GOLGA1: variants seen among roughly 807,000 people sequenced by gnomAD.
GOLGA1 encodes golgin subfamily A member 1.
In GOLGA1, 63 loss-of-function variants were observed where a neutral mutation model predicts 119.7. That is an observed-to-expected ratio of 0.53 (90% CI 0.43 to 0.65). The LOEUF is 0.65. Among genes scored for constraint, GOLGA1 ranks in the 30% least tolerant of loss-of-function variants. The probability of loss-of-function intolerance (pLI) is 0.00; values close to 1 mark genes in which losing one functional copy is unlikely to be tolerated. For synonymous variants in GOLGA1, 318 were observed against 333.4 expected (o/e 0.95, Z 0.50); for missense variants, 798 against 912.8 (o/e 0.87, Z 1.62).
At chr9:124,947,864 G>A (rs1486415618) in intron 1 of GOLGA1, 2 of 152,156 alleles carry the variant, frequency 1.3e-5, no homozygotes, top group Non-Finnish European at 2.9e-5. Flanking sequence ...TTTACTCAGG[G>A]TGGGGAGGTG....
chr9:124,935,751 A>T (rs1350913454), intron 3 of GOLGA1, among the ~76,000 whole-genome samples: 6 of 144,018 alleles, frequency 4.2e-5, no homozygotes, highest in African/African-American at 1.6e-4. Flanking sequence ...CGACACAGCA[A>T]GACTCTGTCT....
At chr9:124,931,759 C>T (rs980269927) in intron 3 of GOLGA1, among the ~76,000 whole-genome samples, 5 of 152,066 alleles carry the variant, frequency 3.3e-5, no homozygotes, top group Admixed American at 6.6e-5. Flanking sequence ...ATAAAGAAGG[C>T]GGGGGTTCTT....
chr9:124,890,519 C>T (rs1274245140), intron 15 of GOLGA1, 41 bp from the exon 16 acceptor site: 1 of 1,477,300 alleles, frequency 6.8e-7, no homozygotes, highest in African/African-American at 1.4e-5. Flanking sequence ...ACTTAGTTCA[C>T]AGTTTTTTAG....
At chr9:124,932,145 T>A (rs1337479915) in intron 3 of GOLGA1, among the ~76,000 whole-genome samples, 2 of 152,218 alleles carry the variant, frequency 1.3e-5, no homozygotes, top group Non-Finnish European at 2.9e-5. Context: ...ATTTGCTTCA[T>A]CAATTTTTAT....
Position 124,880,507 on chromosome 9 carries a change from G to A in GOLGA1, c.*23C>T. 7.4e-7 allele frequency: 1 copy of A among 1,357,400 alleles called. No individual in the cohort carries two copies. The highest frequency in any genetic ancestry group is 1.1e-6 in the Non-Finnish European group (1 of 945,852). The allele number at this position is 1,357,400 out of a possible 1,614,324, so 84.1% of individuals were successfully genotyped here. A position where few individuals can be genotyped will look rare whatever the true frequency, so the allele number is the denominator to read the frequency against. ...CACAGAAAAAGTGTCAACCCACGGA[G>A]CTCCATCCTTGGGTAGTCCCCTCTA... On this transcript the variant is annotated 3_prime_UTR_variant, in exon 23 of 23. Coordinates refer to ENST00000373555, the MANE Select transcript of GOLGA1 (RefSeq NM_002077.4).
chr9:124,934,957 G>T (rs544190214), intron 3 of GOLGA1, among the ~76,000 whole-genome samples: 1 of 152,216 alleles, frequency 6.6e-6, no homozygotes, highest in African/African-American at 2.4e-5. Flanking sequence ...TGAAATGGGA[G>T]AATCGCTTGA....
At chr9:124,898,914 G>A (rs73593074) in intron 14 of GOLGA1, among the ~76,000 whole-genome samples, 1 of 152,282 alleles carries the variant, frequency 6.6e-6, no homozygotes, top group African/African-American at 2.4e-5. Context: ...AACTGCTCTC[G>A]GCTGGGTGCG....
intron 11 of GOLGA1, 96 bp downstream of exon 11, chr9:124,911,805 G>T (rs1830346008): frequency 9.5e-7 from 1 of 1,057,324 alleles, no homozygotes; most frequent in Non-Finnish European, 1.4e-6. Flanking sequence ...CATGCTGTTT[G>T]CTGGCCCTAC....
intron 10 of GOLGA1, among the ~76,000 whole-genome samples, chr9:124,917,661 T>C (rs1316705290): frequency 6.6e-6 from 1 of 152,208 alleles, no homozygotes; most frequent in Non-Finnish European, 1.5e-5. Context: ...TATTCTCTCT[T>C]ATTCTGTATG....
At chr9:124,908,230 T>C in intron 12 of GOLGA1, 147 bp downstream of exon 12, 1 of 623,604 alleles carries the variant, frequency 1.6e-6, no homozygotes. Flanking sequence ...ATGAAGAAAA[T>C]GACTAACTCA....
At chr9:124,937,324 T>G (rs1051719444) in intron 3 of GOLGA1, among the ~76,000 whole-genome samples, 1 of 151,840 alleles carries the variant, frequency 6.6e-6, no homozygotes, top group South Asian at 2.1e-4. Flanking sequence ...TGGTGGCGGG[T>G]GCCTGTAGTC....
intron 3 of GOLGA1, among the ~76,000 whole-genome samples, chr9:124,937,956 A>G (rs529648963): frequency 3.8e-4 from 58 of 151,722 alleles, no homozygotes; most frequent in African/African-American, 1.3e-3. Context: ...GGTGGAACAC[A>G]CCTGTAGTCC....
chr9:124,919,923 CTTTAT>C (rs1001272005), intron 10 of GOLGA1, among the ~76,000 whole-genome samples: 28 of 151,706 alleles, frequency 1.8e-4, no homozygotes, highest in Admixed American at 7.3e-4. Context: ...GGAAATACTA[CTTTAT>C]TTTATTTATA....
At position 124,888,628 on chromosome 9, in the gene GOLGA1, G is replaced by C. The variant is rs1241925624; in HGVS notation, c.1762-232C>G. 6.6e-6 allele frequency among the ~76,000 whole-genome samples: 1 copy of C among 152,176 alleles called. No homozygotes were observed. The highest frequency in any genetic ancestry group is 2.4e-5 in the African/African-American group (1 of 41,444). The stretch of plus-strand genomic sequence containing the variant: ...CTTGCTCTCCCCTGCCTACCGACAG[G>C]GGTGCCATCTGTGATGGGCTCTTCA... On this transcript the variant is annotated intron_variant, in intron 18 of 22. Transcript: ENST00000373555. The surrounding 1 kb of genome is among the most constrained non-coding windows in gnomAD (Gnocchi z 4.4).
rs1491241114 is a variant in GOLGA1 at position 124,907,071 on chromosome 9, A to AG, written c.1065+1305dup. 2.2e-4 allele frequency among the ~76,000 whole-genome samples: 34 copies of AG among 152,330 alleles called. No homozygotes were observed. In the East Asian group the frequency reaches 6.2e-3, roughly 28 times the overall value. Reference sequence around the variant, plus strand: ...GTTAAAGTCAACCTTTGAAAAAAAAAGAGAATTTGTCTTATTGGGTGTTGA... The same window carrying AG: ...GTTAAAGTCAACCTTTGAAAAAAAAAGGAGAATTTGTCTTATTGGGTGTTGA... On this transcript the variant is annotated intron_variant, in intron 12 of 22. Transcript: ENST00000373555.
chr9:124,899,514 C>T (rs376549433), intron 13 of GOLGA1, 36 bp from the exon 14 acceptor site: 4 of 1,533,492 alleles, frequency 2.6e-6, no homozygotes, highest in East Asian at 2.4e-5. Flanking sequence ...GTCAGGGTGA[C>T]AATGGTTTCC....
At chr9:124,941,641 GC>G (rs1214272062), upstream of GOLGA1, among the ~76,000 whole-genome samples, 1 of 152,204 alleles carries the variant, frequency 6.6e-6, no homozygotes, top group Non-Finnish European at 1.5e-5. Flanking sequence ...TGTAGATGAT[GC>G]GTTTTATATC....
intron 15 of GOLGA1, among the ~76,000 whole-genome samples, chr9:124,897,420 C>T (rs927841340): frequency 3.9e-5 from 6 of 152,188 alleles, no homozygotes; most frequent in Non-Finnish European, 8.8e-5. Flanking sequence ...TCTTGGCTCA[C>T]TGCAGCCTCC....
At chr9:124,889,117 C>T (rs1829795349) in intron 18 of GOLGA1, 26 bp downstream of exon 18, 2 of 1,580,354 alleles carry the variant, frequency 1.3e-6, no homozygotes, top group Non-Finnish European at 1.7e-6. Context: ...TGCTGTAGCA[C>T]CCATGCAGGT....
Sources: allele counts gnomAD v4.1 joint callset (sites outside exome capture counted in the v4.1 genomes callset), GRCh38; gene constraint gnomAD v4.1.1; non-coding constraint Gnocchi (gnomAD v3.1); transcripts MANE v1.5; gene names NCBI Gene and HGNC (gene_info 2026-07-23, HGNC 2026-07-21).